Variants in RBFOX3 observed in about 807,000 individuals in gnomAD.
RBFOX3 encodes RNA binding fox-1 homolog 3.
In RBFOX3, 17 loss-of-function variants were observed where a neutral mutation model predicts 48.7. That is an observed-to-expected ratio of 0.35 (90% CI 0.24 to 0.52). The LOEUF (loss-of-function observed/expected upper bound fraction) is 0.52. Ranked by LOEUF, RBFOX3 falls within the 20% of genes least tolerant of loss-of-function variation. The pLI is 0.94. For synonymous variants in RBFOX3, 212 were observed against 209.5 expected, an observed-to-expected ratio of 1.01 and a Z score of -0.10; for missense variants, 382 against 497.5, an observed-to-expected ratio of 0.77 and a Z score of 2.21.
the RBFOX3 span, among the ~76,000 whole-genome samples, chr17:79,629,711 T>C: frequency 6.6e-6 from 1 of 152,146 alleles, no homozygotes; most frequent in Admixed American, 6.5e-5. Flanking sequence ...TACTAGAATA[T>C]TTGCACCATT....
chr17:79,297,107 G>C (rs970062764), intron 3 of RBFOX3, among the ~76,000 whole-genome samples: 1 of 151,896 alleles, frequency 6.6e-6, no homozygotes, highest in African/African-American at 2.4e-5. Flanking sequence ...TGATGCCCAA[G>C]GCCCACTACC....
At chr17:79,456,458 T>C (rs74335449) in intron 2 of RBFOX3, among the ~76,000 whole-genome samples, 2,551 of 149,628 alleles carry the variant, frequency 0.017, 87 homozygotes, top group African/African-American at 0.062. Context: ...CCCCAGACAT[T>C]GCCATGCATC....
At chr17:79,378,136 G>T (rs2059441322) in intron 2 of RBFOX3, among the ~76,000 whole-genome samples, 1 of 152,102 alleles carries the variant, frequency 6.6e-6, no homozygotes, top group East Asian at 1.9e-4. Flanking sequence ...CATAGGGGGG[G>T]CGCATCAGGG....
At chr17:79,395,596 G>T (rs543569413) in intron 2 of RBFOX3, among the ~76,000 whole-genome samples, 9 of 152,320 alleles carry the variant, frequency 5.9e-5, no homozygotes, top group African/African-American at 2.2e-4. Flanking sequence ...GACAGCTGGC[G>T]CCCGCCTGGC....
At chr17:79,623,534 T>G in the RBFOX3 span, among the ~76,000 whole-genome samples, 1 of 152,080 alleles carries the variant, frequency 6.6e-6, no homozygotes, top group African/African-American at 2.4e-5. Context: ...AAGAGGAGAC[T>G]GGGCGCAGTG....
intron 1 of RBFOX3, among the ~76,000 whole-genome samples, chr17:79,489,892 CA>C (rs1198187436): frequency 1.3e-5 from 2 of 152,202 alleles, no homozygotes; most frequent in African/African-American, 4.8e-5. Flanking sequence ...CCCCGCAAAA[CA>C]TAAGCTCCTA....
intron 2 of RBFOX3, among the ~76,000 whole-genome samples, chr17:79,434,522 C>A (rs2069042591): frequency 6.6e-6 from 1 of 152,148 alleles, no homozygotes; most frequent in African/African-American, 2.4e-5. Context: ...AGTTGGGATT[C>A]TCTTTATCCT....
chr17:79,504,357 A>G (rs1288334504), intron 1 of RBFOX3, among the ~76,000 whole-genome samples: 1 of 152,154 alleles, frequency 6.6e-6, no homozygotes, highest in Non-Finnish European at 1.5e-5. Flanking sequence ...GCAATGTGGC[A>G]CATTTCTTTA....
intron 4 of RBFOX3, among the ~76,000 whole-genome samples, chr17:79,174,262 A>G (rs1309697301): frequency 6.6e-6 from 1 of 151,978 alleles, no homozygotes; most frequent in Non-Finnish European, 1.5e-5. Context: ...CACACACACA[A>G]TGCACACTCA....
intron 2 of RBFOX3, among the ~76,000 whole-genome samples, chr17:79,349,645 G>C (rs1405013447): frequency 6.6e-6 from 1 of 152,114 alleles, no homozygotes; most frequent in Non-Finnish European, 1.5e-5. Context: ...ACCAGGCCCG[G>C]CAATGCCTGA....
chr17:79,140,715 T>C (rs7214618), intron 4 of RBFOX3, among the ~76,000 whole-genome samples: 55,200 of 152,224 alleles, frequency 0.36, 10,978 homozygotes, highest in Non-Finnish European at 0.46. Context: ...TTGGGGAAAA[T>C]GCCACCATGC....
At chr17:79,285,130 T>C (rs2071557861) in intron 3 of RBFOX3, among the ~76,000 whole-genome samples, 1 of 152,204 alleles carries the variant, frequency 6.6e-6, no homozygotes, top group African/African-American at 2.4e-5. Context: ...AAGAAGATGC[T>C]TGAAAATCTC....
rs148234797 is a variant in RBFOX3 at position 79,428,314 on chromosome 17, G to A, written c.-175+54140C>T. Reference sequence around the variant, plus strand: ...GGGCAGGTGCCATGGGGGAGCTCGCGGGGCAGGACGGTCTCCTGCAGACCC... The same window carrying A: ...GGGCAGGTGCCATGGGGGAGCTCGCAGGGCAGGACGGTCTCCTGCAGACCC... On this transcript the variant is annotated intron_variant, in intron 2 of 14. Coordinates refer to ENST00000693108, the MANE Select transcript of RBFOX3 (RefSeq NM_001350451.2). Among the ~76,000 whole-genome samples the A allele has an allele frequency of 5.5e-3, 833 of 152,294 alleles. 15 individuals are homozygous for A. The highest frequency in any genetic ancestry group is 0.018 in the African/African-American group (767 of 41,560).
intron 1 of RBFOX3, among the ~76,000 whole-genome samples, chr17:79,581,057 C>T (rs912182370): frequency 1.8e-4 from 27 of 152,216 alleles, no homozygotes; most frequent in Non-Finnish European, 3.1e-4. Context: ...ACCTTCCTGG[C>T]TAACATGGTG....
Position 79,103,874 on chromosome 17 carries a change from G to A in RBFOX3, c.414+199C>T, listed in dbSNP as rs1366010318. On this transcript the variant is annotated intron_variant, in intron 7 of 14. Transcript: ENST00000693108. The surrounding 1 kb of genome is among the most constrained non-coding windows in gnomAD (Gnocchi z 6.1). ...GGTCCTGGTGGCTCAGAAAGAAAAA[G>A]CGGCAGCGGCAGCAACAACACAGAC... Among the ~76,000 whole-genome samples the A allele has an allele frequency of 6.7e-6, 1 of 150,108 alleles. No homozygotes were observed. The highest frequency in any genetic ancestry group is 1.5e-5 in the Non-Finnish European group (1 of 67,434).
rs1568178186 is a variant in RBFOX3, at chr17:79,397,497, A to ACCC, written c.-175+84956_-175+84957insGGG. ...AACAGAGGAGGACTCCATCCCCAAA[A>ACCC]AAAAAAAAAAAGTGCGACCCCCACC... On this transcript the variant is annotated intron_variant, in intron 2 of 14. Coordinates refer to ENST00000693108, the MANE Select transcript of RBFOX3 (RefSeq NM_001350451.2). Among the ~76,000 whole-genome samples, 85 of 149,370 alleles carry ACCC rather than the reference A, an allele frequency of 5.7e-4. 1 individual carries two copies. The highest frequency in any genetic ancestry group is 3.0e-3 in the South Asian group (14 of 4,614).
At chr17:79,322,012 T>A (rs939823026) in intron 2 of RBFOX3, among the ~76,000 whole-genome samples, 3 of 152,186 alleles carry the variant, frequency 2.0e-5, no homozygotes, top group Admixed American at 2.0e-4. Flanking sequence ...GCCAGGAATC[T>A]GGATTCTAAT....
At chr17:79,607,223 G>T (rs909290488) in intron 1 of RBFOX3, among the ~76,000 whole-genome samples, 59 of 152,078 alleles carry the variant, frequency 3.9e-4, no homozygotes, top group Non-Finnish European at 7.5e-4. Context: ...TCTGTTGAAG[G>T]GGGAGAAAGT....
chr17:79,656,815 G>GAAAGAAAGAAAA, the RBFOX3 span, among the ~76,000 whole-genome samples: 3 of 51,980 alleles, frequency 5.8e-5, no homozygotes, highest in Admixed American at 4.4e-4. Flanking sequence ...AGAAAAGAAA[G>GAAAGAAAGAAAA]AGAAAGAAAG....
Sources: gnomAD v4.1 joint callset for allele counts (sites outside exome capture counted in the v4.1 genomes callset) on GRCh38, gnomAD v4.1.1 for gene constraint, Gnocchi (gnomAD v3.1) non-coding constraint, MANE v1.5 for transcripts, NCBI Gene and HGNC (gene_info 2026-07-23, HGNC 2026-07-21) for gene names.